The following HBG2 variants were observed in gnomAD, a reference collection of about 807,000 sequenced individuals.
HBG2 encodes hemoglobin subunit gamma 2.
For missense variants in HBG2, 59 were observed against 155.7 expected, an observed-to-expected ratio of 0.38 and a Z score of 3.31; for synonymous variants, 25 against 63.2, an observed-to-expected ratio of 0.40 and a Z score of 2.87.
At chr11:5,253,521 C>G in intron 2 of HBG2, 116 bp from the exon 3 acceptor site, 2 of 1,202,090 alleles carry the variant, frequency 1.7e-6, no homozygotes, top group Non-Finnish European at 2.4e-6. Flanking sequence ...ATGTTAACTT[C>G]CCTCAAAGCC....
intron 2 of HBG2, 66 bp downstream of exon 2, chr11:5,254,226 A>C (rs1390137158): frequency 6.2e-7 from 1 of 1,607,916 alleles, no homozygotes; most frequent in African/African-American, 1.3e-5. Context: ...TGCTCAGATC[A>C]ATACTCAGTT....
intron 2 of HBG2, among the ~76,000 whole-genome samples, chr11:5,253,656 TAA>T (rs967749886): frequency 2.0e-5 from 3 of 149,324 alleles, no homozygotes; most frequent in African/African-American, 7.3e-5. Context: ...CTGAAAACGT[TAA>T]AAGAAACACA....
chr11:5,253,366 A>C lies in HBG2; in HGVS notation c.355T>G (p.Phe119Val). 2 of 1,613,714 alleles carry C rather than the reference A, an allele frequency of 1.2e-6. No homozygotes were observed. The highest frequency in any genetic ancestry group is 1.7e-6 in the Non-Finnish European group (2 of 1,179,728). ...NVLVTVLAIH[F>V]GKEFTPEVQA... ...ACCTCAGGGGTGAATTCTTTGCCGA[A>C]ATGGATTGCCAAAACGGTCACCAGC... Residue 119 changes from phenylalanine to valine, a missense_variant, in exon 3 of 3, where the codon TTC becomes GTC. Transcript: ENST00000336906.
chr11:5,253,413 G>C lies in HBG2; in HGVS notation c.316-8C>G, dbSNP rs749050950. 6.2e-7 allele frequency: 1 copy of C among 1,611,426 alleles called. No homozygotes were observed. The highest frequency in any genetic ancestry group is 1.1e-5 in the South Asian group (1 of 90,984). Reference sequence around the variant, plus strand: ...CAGCACATTTCCCAGGAGCTGTTGAGATGAAAGGAGACAATAAAGATGAAC... The same window carrying C: ...CAGCACATTTCCCAGGAGCTGTTGACATGAAAGGAGACAATAAAGATGAAC... On this transcript the variant is annotated splice_region_variant and splice_polypyrimidine_tract_variant and intron_variant, in intron 2 of 2. Coordinates refer to ENST00000336906, the MANE Select transcript of HBG2 (RefSeq NM_000184.3).
At chr11:5,253,719 C>CACACACACACACACACACACAG (rs1249932162) in intron 2 of HBG2, among the ~76,000 whole-genome samples, 1 of 150,638 alleles carries the variant, frequency 6.6e-6, no homozygotes, top group African/African-American at 2.5e-5. Context: ...CACACACACA[C>CACACACACACACACACACACAG]AGAGCTGACT....
chr11:5,253,489 G>A, intron 2 of HBG2, 84 bp from the exon 3 acceptor site: 3 of 1,257,692 alleles, frequency 2.4e-6, no homozygotes, highest in Non-Finnish European at 3.5e-6. Context: ...TACACACCAA[G>A]CTTCCACCCA....
Position 5,253,313 on chromosome 11 carries a change from A to G in HBG2, c.408T>C (p.Thr136=). 1 of 1,614,090 alleles carries G rather than the reference A, an allele frequency of 6.2e-7. No individual in the cohort carries two copies. Among genetic ancestry groups the G allele is most frequent in the Non-Finnish European group, 8.5e-7 (1 of 1,179,976 alleles). The change falls in exon 3 of 3, where the codon ACT becomes ACC. Residue 136 remains threonine (T), a synonymous_variant. Coordinates refer to ENST00000336906, the MANE Select transcript of HBG2 (RefSeq NM_000184.3). ...TGGAGGACAGGGCACTGGCCACTCC[A>G]GTCACCATCTTCTGCCAGGAAGCCT... ...EVQASWQKMV[T]GVASALSSRY... is the part of the protein sequence containing the mutation.
At chr11:5,254,236 T>C in intron 2 of HBG2, 56 bp downstream of exon 2, 1 of 1,612,262 alleles carries the variant, frequency 6.2e-7, no homozygotes, top group Non-Finnish European at 8.5e-7. Context: ...AATACTCAGT[T>C]GTCTAAGTTG....
chr11:5,254,085 A>G (rs572985516), intron 2 of HBG2, among the ~76,000 whole-genome samples: 1 of 151,960 alleles, frequency 6.6e-6, no homozygotes, highest in East Asian at 1.9e-4. Context: ...CTCAAAGTCA[A>G]AGTTGTCCAT....
chr11:5,253,369 G>A lies in HBG2; in HGVS notation c.352C>T (p.His118Tyr). ...TCAGGGGTGAATTCTTTGCCGAAAT[G>A]GATTGCCAAAACGGTCACCAGCACA... is the stretch of plus-strand genomic sequence containing the variant. The part of the protein sequence containing the change: ...GNVLVTVLAI[H>Y]FGKEFTPEVQ... Residue 118 changes from histidine to tyrosine, a missense_variant, in exon 3 of 3, where the codon CAT becomes TAT. Coordinates refer to ENST00000336906, the MANE Select transcript of HBG2 (RefSeq NM_000184.3). 3 of 1,613,550 alleles carry A rather than the reference G, an allele frequency of 1.9e-6. No individual in the cohort carries two copies. Among genetic ancestry groups the A allele is most frequent in the Non-Finnish European group, 2.5e-6 (3 of 1,179,594 alleles).
In HBG2 at chr11:5,254,283, T is replaced by C; in HGVS notation, c.315+9A>G. 6.2e-7 allele frequency: 1 copy of C among 1,614,268 alleles called. No homozygotes were observed. Among genetic ancestry groups the C allele is most frequent in the East Asian group, 2.2e-5 (1 of 44,886 alleles). ...AAGGCAACAGTGCTGAAACATCTCC[T>C]GGACTCACCTTGAAGTTCTCAGGAT... On this transcript the variant is annotated intron_variant, in intron 2 of 2. Coordinates refer to ENST00000336906, the MANE Select transcript of HBG2 (RefSeq NM_000184.3).
At chr11:5,253,529 G>C in intron 2 of HBG2, 124 bp from the exon 3 acceptor site, 1 of 1,198,400 alleles carries the variant, frequency 8.3e-7, no homozygotes, top group South Asian at 1.3e-5. Flanking sequence ...TTCCCTCAAA[G>C]CCTGAGATTT....
intron 2 of HBG2, among the ~76,000 whole-genome samples, chr11:5,253,988 G>C (rs547152339): frequency 6.0e-5 from 9 of 150,854 alleles, no homozygotes; most frequent in Non-Finnish European, 2.9e-5. Flanking sequence ...GTTTTAAAAC[G>C]AATAACAAAA....
At chr11:5,253,698 G>GCACACACACA (rs1554922324) in intron 2 of HBG2, among the ~76,000 whole-genome samples, 71 of 134,546 alleles carry the variant, frequency 5.3e-4, no homozygotes, top group African/African-American at 1.4e-3. Flanking sequence ...ACACACGCGC[G>GCACACACACA]CACACACACA....
chr11:5,253,848 G>A (rs1847983597), intron 2 of HBG2, among the ~76,000 whole-genome samples: 1 of 152,026 alleles, frequency 6.6e-6, no homozygotes, highest in Non-Finnish European at 1.5e-5. Flanking sequence ...TTTTATATGT[G>A]TCCAGCTGAT....
chr11:5,253,511 A>G (rs1367534758), intron 2 of HBG2, 106 bp from the exon 3 acceptor site: 37 of 1,243,860 alleles, frequency 3.0e-5, no homozygotes, highest in Non-Finnish European at 3.9e-5. Context: ...AATCAAGCCT[A>G]TGTTAACTTC....
At position 5,253,232 on chromosome 11, in the gene HBG2, A is replaced by G; in HGVS notation, c.*45T>C. On this transcript the variant is annotated 3_prime_UTR_variant, in exon 3 of 3. Coordinates refer to ENST00000336906, the MANE Select transcript of HBG2 (RefSeq NM_000184.3). ...ATAGATTTATTATTTGATTGCTTGC[A>G]GAATAAAGCCTATCCTTGAAAGCTC... The G allele has an allele frequency of 1.2e-6, 2 of 1,612,504 alleles. No individual in the cohort carries two copies. Among genetic ancestry groups the G allele is most frequent in the Non-Finnish European group, 1.7e-6 (2 of 1,178,536 alleles).
chr11:5,253,778 A>AC (rs1207526689), intron 2 of HBG2, among the ~76,000 whole-genome samples: 1 of 151,382 alleles, frequency 6.6e-6, no homozygotes, highest in African/African-American at 2.4e-5. Context: ...TCACCCCTGG[A>AC]CATACTTTGC....
chr11:5,253,687 AAC>A (rs1163700722), intron 2 of HBG2, among the ~76,000 whole-genome samples: 4 of 81,106 alleles, frequency 4.9e-5, no homozygotes, highest in South Asian at 4.7e-4. Context: ...CACACACACA[AAC>A]ACACGCGCGC....
Sources: gnomAD v4.1 joint callset for allele counts (sites outside exome capture counted in the v4.1 genomes callset) on GRCh38, gnomAD v4.1.1 for gene constraint, MANE v1.5 for transcripts, NCBI Gene and HGNC (gene_info 2026-07-23, HGNC 2026-07-21) for gene names.